Variants in CTBP1 observed in about 807,000 individuals in gnomAD.
The protein encoded by CTBP1 is C-terminal-binding protein 1.
Under a neutral mutation model 42.1 loss-of-function variants are expected in CTBP1, and 11 were observed. That is an observed-to-expected ratio of 0.26 (90% CI 0.16 to 0.43). The LOEUF is 0.43. Among genes scored for constraint, CTBP1 ranks in the 20% least tolerant of loss-of-function variants. The probability of loss-of-function intolerance (pLI) is 1.00; values close to 1 mark genes in which losing one functional copy is unlikely to be tolerated. For missense variants in CTBP1, 399 were observed against 624.3 expected, an observed-to-expected ratio of 0.64 and a Z score of 3.85; for synonymous variants, 324 against 277.1, an observed-to-expected ratio of 1.17 and a Z score of -1.68.
chr4:1,220,532 C>T (rs186136668), intron 5 of CTBP1, among the ~76,000 whole-genome samples: 85 of 152,252 alleles, frequency 5.6e-4, no homozygotes, highest in African/African-American at 1.9e-3. Flanking sequence ...TGAGCTGATT[C>T]CAGAATGGAA....
chr4:1,248,993 G>C lies in CTBP1; in HGVS notation c.-266C>G, dbSNP rs1373364608. The stretch of plus-strand genomic sequence containing the variant: ...GCGGCCGCGGGCCCCGACCACTCCG[G>C]CGCGCTGCGCCGCCGCGAGCCCGGC... On this transcript the variant is annotated 5_prime_UTR_variant, in exon 1 of 10. Transcript: ENST00000382952. The C allele has an allele frequency of 3.1e-6, 3 of 965,324 alleles. No individual in the cohort carries two copies. Among genetic ancestry groups the C allele is most frequent in the Non-Finnish European group, 3.7e-6 (3 of 814,782 alleles). The allele number at this position is 965,324 out of a possible 1,614,324, so 59.8% of individuals were successfully genotyped here. A position where few individuals can be genotyped will look rare whatever the true frequency, so the allele number is the denominator to read the frequency against.
chr4:1,245,309 G>A (rs1004440184), intron 1 of CTBP1: 3 of 985,440 alleles, frequency 3.0e-6, no homozygotes, highest in East Asian at 1.1e-4. Context: ...CCGTGGAGCC[G>A]CACGTTTCCC....
intron 1 of CTBP1, 27 bp downstream of exon 1, chr4:1,248,889 C>A (rs997870052): frequency 1.0e-6 from 1 of 974,714 alleles, no homozygotes; most frequent in Non-Finnish European, 1.2e-6. Context: ...CGCCCGCGGC[C>A]GGAAACGCGC....
At chr4:1,241,668 C>T in intron 1 of CTBP1, 149 bp from the exon 2 acceptor site, 1 of 1,298,488 alleles carries the variant, frequency 7.7e-7, no homozygotes, top group Non-Finnish European at 9.9e-7. Flanking sequence ...CGGGGGCCTG[C>T]TGACAGCCAG....
chr4:1,243,303 G>A (rs536864745), intron 1 of CTBP1: 51 of 985,436 alleles, frequency 5.2e-5, no homozygotes, highest in Non-Finnish European at 6.0e-5. Context: ...CCTCCTGAAA[G>A]GACCCTGCAG....
chr4:1,241,596 T>A (rs1381944707), intron 1 of CTBP1, 77 bp from the exon 2 acceptor site: 5 of 1,474,626 alleles, frequency 3.4e-6, no homozygotes, highest in Admixed American at 4.1e-5. Flanking sequence ...AGGGAACGCC[T>A]CAGAAGTGGA....
chr4:1,217,293 G>A (rs1198833262), intron 5 of CTBP1: 1 of 152,312 alleles, frequency 6.6e-6, no homozygotes, highest in African/African-American at 2.4e-5. Context: ...TCCTAGAAAG[G>A]GAGGCGCCTG....
chr4:1,248,493 C>G (rs1038083107), intron 1 of CTBP1, among the ~76,000 whole-genome samples: 14 of 150,720 alleles, frequency 9.3e-5, no homozygotes, highest in African/African-American at 3.4e-4. Context: ...GCGCACGGCT[C>G]CCGCCCCATC....
In CTBP1 at chr4:1,238,889, G is replaced by A. The variant is rs963037130; in HGVS notation, c.8-552C>T. ...ACAGGAGGGACCCAGGACACTGGAG[G>A]ACACAAGATGACAGCACGGGACTTT... On this transcript the variant is annotated intron_variant, in intron 2 of 9. Coordinates refer to ENST00000382952, the MANE Select transcript of CTBP1 (RefSeq NM_001012614.2). This position sits in a 1 kb window ranked among gnomAD's most constrained non-coding sequence, Gnocchi z 5.9. 6.6e-6 allele frequency among the ~76,000 whole-genome samples: 1 copy of A among 152,018 alleles called. No homozygotes were observed. Among genetic ancestry groups the A allele is most frequent in the Non-Finnish European group, 1.5e-5 (1 of 68,004 alleles).
upstream of CTBP1, chr4:1,250,314 C>T (rs962895449): frequency 3.7e-6 from 1 of 270,406 alleles, no homozygotes; most frequent in South Asian, 3.9e-5. Flanking sequence ...GTTCTAAGAT[C>T]GGGCTGCCGA....
chr4:1,228,159 T>C (rs1400107568), intron 4 of CTBP1, 40 bp downstream of exon 4: 1 of 1,608,588 alleles, frequency 6.2e-7, no homozygotes, highest in Non-Finnish European at 8.5e-7. Flanking sequence ...GGACGGAGCT[T>C]GCATGAATGG....
chr4:1,216,297 C>A (rs1729109511), intron 5 of CTBP1, 92 bp from the exon 6 acceptor site: 1 of 1,257,234 alleles, frequency 8.0e-7, no homozygotes, highest in South Asian at 1.4e-5. Flanking sequence ...CTCTGTGCCT[C>A]AGTTTGACCA....
intron 1 of CTBP1, chr4:1,248,626 G>A (rs1469401054): frequency 3.1e-6 from 3 of 965,126 alleles, no homozygotes; most frequent in African/African-American, 3.5e-5. Context: ...GGTCCGGCGG[G>A]GCAGCCCAGA....
intron 1 of CTBP1, chr4:1,243,420 C>G (rs1431545606): frequency 2.0e-6 from 2 of 985,292 alleles, no homozygotes; most frequent in African/African-American, 3.5e-5. Context: ...CCCCATGCCA[C>G]AGGGACTTCC....
intron 1 of CTBP1, among the ~76,000 whole-genome samples, chr4:1,248,486 C>G (rs1439692884): frequency 6.6e-6 from 1 of 150,706 alleles, no homozygotes; most frequent in African/African-American, 2.4e-5. Flanking sequence ...CCGAGCTGCG[C>G]ACGGCTCCCG....
intron 3 of CTBP1, chr4:1,236,430 G>A (rs968423812): frequency 3.6e-5 from 20 of 560,810 alleles, no homozygotes; most frequent in Admixed American, 2.1e-4. Context: ...AACTGGGGCC[G>A]GGGGAAGCAC....
intron 1 of CTBP1, chr4:1,242,547 A>G (rs1732287103): frequency 1.0e-6 from 1 of 985,324 alleles, no homozygotes; most frequent in South Asian, 4.7e-5. Context: ...ATTCAAGCAT[A>G]CATGCCGACC....
chr4:1,234,187 T>C (rs1731251206), intron 3 of CTBP1, among the ~76,000 whole-genome samples: 1 of 152,266 alleles, frequency 6.6e-6, no homozygotes, highest in South Asian at 2.1e-4. Context: ...AGGCAGCCCC[T>C]GCAGACTCCA....
At chr4:1,237,567 AC>A in intron 3 of CTBP1, 1 of 669,212 alleles carries the variant, frequency 1.5e-6, no homozygotes, top group South Asian at 1.6e-5. Flanking sequence ...CTCAGGACAA[AC>A]CCTGTGTCCA....
Sources: gnomAD v4.1 joint callset for allele counts (sites outside exome capture counted in the v4.1 genomes callset) on GRCh38, gnomAD v4.1.1 for gene constraint, Gnocchi (gnomAD v3.1) non-coding constraint, MANE v1.5 for transcripts, NCBI Gene and HGNC (gene_info 2026-07-23, HGNC 2026-07-21) for gene names.